The following ANKRD27 variants were observed in gnomAD, a reference collection of about 807,000 sequenced individuals.
The protein encoded by ANKRD27 is ankyrin repeat domain-containing protein 27.
A neutral mutation model predicts 129.7 loss-of-function variants in ANKRD27; 112 were observed. The ratio of observed to expected loss-of-function variants is 0.86; its 90% confidence interval spans 0.74 to 1.01. The LOEUF (loss-of-function observed/expected upper bound fraction) is 1.01, where lower values mean the gene tolerates loss of function less well. Among genes scored for constraint, ANKRD27 ranks in the 50% least tolerant of loss-of-function variants. The pLI is 0.00. For synonymous variants in ANKRD27, 516 were observed against 511.2 expected (o/e 1.01, Z -0.13); for missense variants, 1,258 against 1,300.5 (o/e 0.97, Z 0.50).
intron 9 of ANKRD27, 75 bp downstream of exon 9, chr19:32,643,048 G>C (rs1568411988): frequency 1.4e-6 from 2 of 1,454,328 alleles, no homozygotes; most frequent in East Asian, 4.5e-5. Flanking sequence ...CTCTGCCACC[G>C]AGAGGGCCTG....
At position 32,599,739 on chromosome 19, in the gene ANKRD27, TTCTA is replaced by T. The variant is rs1275826936; in HGVS notation, c.2880_2883del (p.Asp960GlufsTer6). 1 of 1,613,840 alleles carries T rather than the reference TTCTA, an allele frequency of 6.2e-7. No individual in the cohort carries two copies. The highest frequency in any genetic ancestry group is 2.2e-5 in the East Asian group (1 of 44,892). ...GAACCTTCGGTTAAATTAGGGACAC[TTCTA>T]TCTCTTGCCATAATCTCCCTTGAAG... On this transcript the variant is annotated frameshift_variant, in exon 28 of 29. Coordinates refer to ENST00000306065, the MANE Select transcript of ANKRD27 (RefSeq NM_032139.3). LOFTEE classifies it low-confidence loss of function (END_TRUNC).
intron 1 of ANKRD27, among the ~76,000 whole-genome samples, chr19:32,664,620 T>TAATAATAAA (rs1967711805): frequency 2.0e-5 from 2 of 97,764 alleles, no homozygotes; most frequent in Non-Finnish European, 3.5e-5. Flanking sequence ...CATCCCCAAA[T>TAATAATAAA]AATAATAATA....
At chr19:32,637,854 G>C (rs1967121643) in intron 12 of ANKRD27, 1 of 152,348 alleles carries the variant, frequency 6.6e-6, no homozygotes, top group South Asian at 2.1e-4. Context: ...TTGCAACCCA[G>C]CCATGTGTGC....
At position 32,619,520 on chromosome 19, in the gene ANKRD27, A is replaced by C; in HGVS notation, c.1861T>G (p.Phe621Val). 1.2e-6 allele frequency: 2 copies of C among 1,614,096 alleles called. No individual in the cohort carries two copies. Among genetic ancestry groups the C allele is most frequent in the Non-Finnish European group, 1.7e-6 (2 of 1,180,018 alleles). Residue 621 changes from phenylalanine (F) to valine (V), a missense_variant, in exon 19 of 29, where the codon TTC becomes GTC. Transcript: ENST00000306065. Reference protein sequence around the residue: ...LSVMEAYHLSFERRQKSSEAP... With the variant: ...LSVMEAYHLSVERRQKSSEAP... ...TCGGACGACTTCTGCCTCCTCTCGA[A>C]GGACAGGTGATAGGCTTCCATTACA...
chr19:32,645,775 G>A (rs994935057), intron 4 of ANKRD27, among the ~76,000 whole-genome samples: 1 of 152,042 alleles, frequency 6.6e-6, no homozygotes, highest in African/African-American at 2.4e-5. Flanking sequence ...TGGGATTACA[G>A]GCACGCACCA....
intron 13 of ANKRD27, among the ~76,000 whole-genome samples, chr19:32,629,695 G>C (rs1054930691): frequency 3.3e-5 from 5 of 151,772 alleles, no homozygotes; most frequent in Admixed American, 2.0e-4. Flanking sequence ...GTGAGACTCT[G>C]TCACAAAAAA....
intron 4 of ANKRD27, among the ~76,000 whole-genome samples, chr19:32,644,843 A>C (rs913963888): frequency 2.6e-5 from 4 of 152,190 alleles, no homozygotes; most frequent in African/African-American, 9.7e-5. Context: ...GCGCTATAAG[A>C]GACAGCCCTG....
chr19:32,655,835 T>C (rs1967507004), intron 2 of ANKRD27, among the ~76,000 whole-genome samples: 1 of 151,856 alleles, frequency 6.6e-6, no homozygotes, highest in Admixed American at 6.6e-5. Context: ...CTGCTCAACA[T>C]AGTGAAACCC....
chr19:32,617,206 A>G (rs2145271428), intron 21 of ANKRD27, among the ~76,000 whole-genome samples: 1 of 152,310 alleles, frequency 6.6e-6, no homozygotes, highest in East Asian at 1.9e-4. Context: ...CAAGAAACAC[A>G]GGTGGGTGGC....
At chr19:32,623,555 T>G (rs1021591338) in intron 17 of ANKRD27, among the ~76,000 whole-genome samples, 5 of 151,240 alleles carry the variant, frequency 3.3e-5, no homozygotes, top group African/African-American at 9.7e-5. Context: ...CCTGTTGTTT[T>G]TTTTTTTTTT....
At chr19:32,606,107 C>G (rs1971730828) in intron 23 of ANKRD27, among the ~76,000 whole-genome samples, 153 bp from the exon 24 acceptor site, 1 of 149,006 alleles carries the variant, frequency 6.7e-6, no homozygotes, top group African/African-American at 2.5e-5. Flanking sequence ...TTTGACTTGT[C>G]TCTGAGCTTA....
intron 2 of ANKRD27, among the ~76,000 whole-genome samples, chr19:32,658,096 C>T (rs1967576606): frequency 6.6e-6 from 1 of 152,212 alleles, no homozygotes; most frequent in African/African-American, 2.4e-5. Flanking sequence ...AACCCTCAGG[C>T]ACCTCACATA....
At chr19:32,613,726 T>TTTA (rs1971867839) in intron 22 of ANKRD27, among the ~76,000 whole-genome samples, 1 of 149,698 alleles carries the variant, frequency 6.7e-6, no homozygotes, top group Admixed American at 6.6e-5. Flanking sequence ...TTTTTTTTTT[T>TTTA]GAGACGGAGT....
At chr19:32,653,022 C>A (rs1199521944) in intron 2 of ANKRD27, among the ~76,000 whole-genome samples, 4 of 152,200 alleles carry the variant, frequency 2.6e-5, no homozygotes, top group Non-Finnish European at 5.9e-5. Context: ...CTTCCCCAGG[C>A]TGGATTAAGC....
At chr19:32,614,429 C>T (rs921020187) in intron 22 of ANKRD27, among the ~76,000 whole-genome samples, 3 of 151,996 alleles carry the variant, frequency 2.0e-5, no homozygotes, top group Admixed American at 6.6e-5. Context: ...GGAGGCCAGG[C>T]GCAGCGGCTC....
intron 1 of ANKRD27, among the ~76,000 whole-genome samples, chr19:32,660,272 CAG>C (rs1967619256): frequency 6.6e-6 from 1 of 152,204 alleles, no homozygotes; most frequent in African/African-American, 2.4e-5. Context: ...CAGCCGGGCA[CAG>C]TGGCTCATGC....
chr19:32,631,034 T>G (rs1966983348), intron 13 of ANKRD27, among the ~76,000 whole-genome samples: 1 of 151,982 alleles, frequency 6.6e-6, no homozygotes, highest in Non-Finnish European at 1.5e-5. Context: ...TTTTTTTTTC[T>G]TTTTGAGACA....
rs750228773 is a variant in ANKRD27, at chr19:32,643,475, C to T, written c.595G>A (p.Ala199Thr). 8 of 1,613,706 alleles carry T rather than the reference C, an allele frequency of 5.0e-6. No individual in the cohort carries two copies. Among genetic ancestry groups the T allele is most frequent in the Middle Eastern group, 1.6e-4 (1 of 6,062 alleles). Reference protein sequence around the residue: ...LLRDSHLKMLAKQEAQMNLMK... With the variant: ...LLRDSHLKMLTKQEAQMNLMK... ...AGGTTCATCTGGGCCTCCTGCTTGG[C>T]GAGCATTTTCTAGAGGGCAAGAAAA... The change falls in exon 7 of 29, where the codon GCC becomes ACC. Residue 199 changes from alanine (A) to threonine (T), a missense_variant. Ala to Thr is a moderately conservative substitution (Grantham distance 58). Coordinates refer to ENST00000306065, the MANE Select transcript of ANKRD27 (RefSeq NM_032139.3).
chr19:32,671,469 G>A (rs371596465), intron 1 of ANKRD27, among the ~76,000 whole-genome samples: 2 of 152,286 alleles, frequency 1.3e-5, no homozygotes, highest in African/African-American at 4.8e-5. Context: ...AGGCCAAAGC[G>A]GGTGGATCAC....
Sources: allele counts gnomAD v4.1 joint callset (sites outside exome capture counted in the v4.1 genomes callset), GRCh38; gene constraint gnomAD v4.1.1; transcripts MANE v1.5; gene names NCBI Gene and HGNC (gene_info 2026-07-23, HGNC 2026-07-21).